HEPHL1: variants seen among roughly 807,000 people sequenced by gnomAD.
HEPHL1 encodes the protein hephaestin like 1, also known as ferroxidase HEPHL1.
HEPHL1 carries 123 observed loss-of-function variants against 122.0 expected under a neutral mutation model. That is an observed-to-expected ratio of 1.01 (90% CI 0.87 to 1.17). The LOEUF is 1.17. Among genes scored for constraint, HEPHL1 ranks in the 50% most tolerant of loss-of-function variants. The probability of loss-of-function intolerance (pLI) is 0.00; values close to 1 mark genes in which losing one functional copy is unlikely to be tolerated. For synonymous variants in HEPHL1, 527 were observed against 508.9 expected, an observed-to-expected ratio of 1.04 and a Z score of -0.48; for missense variants, 1,452 against 1,430.5, an observed-to-expected ratio of 1.01 and a Z score of -0.24.
intron 2 of HEPHL1, among the ~76,000 whole-genome samples, chr11:94,056,275 A>T (rs540603932): frequency 1.1e-4 from 16 of 152,166 alleles, no homozygotes; most frequent in Non-Finnish European, 2.1e-4. Context: ...AGCATATAAT[A>T]GAATTTTGCT....
intron 13 of HEPHL1, among the ~76,000 whole-genome samples, chr11:94,096,813 T>G (rs1946320112): frequency 6.6e-6 from 1 of 152,210 alleles, no homozygotes; most frequent in Non-Finnish European, 1.5e-5. Context: ...CATAGAGGTG[T>G]TTATAGTATT....
intron 5 of HEPHL1, among the ~76,000 whole-genome samples, chr11:94,068,387 T>C (rs1057358099): frequency 6.6e-6 from 1 of 152,216 alleles, no homozygotes; most frequent in African/African-American, 2.4e-5. Context: ...TATTGGAATG[T>C]TCTTCCTCAA....
At chr11:94,087,555 T>C (rs1946228289) in intron 11 of HEPHL1, among the ~76,000 whole-genome samples, 1 of 152,194 alleles carries the variant, frequency 6.6e-6, no homozygotes, top group Admixed American at 6.5e-5. Context: ...GTTCTTCTAT[T>C]ATTATTATCA....
chr11:94,097,614 G>A (rs183014967), intron 13 of HEPHL1, among the ~76,000 whole-genome samples: 2 of 152,154 alleles, frequency 1.3e-5, no homozygotes, highest in African/African-American at 4.8e-5. Flanking sequence ...GTTGACAGTG[G>A]GGTGTTAAAG....
chr11:94,100,282 A>G (rs949923952), intron 13 of HEPHL1, among the ~76,000 whole-genome samples: 1 of 152,234 alleles, frequency 6.6e-6, no homozygotes, highest in African/African-American at 2.4e-5. Flanking sequence ...CAAGGAATTG[A>G]TATGTGTGGC....
chr11:94,097,524 C>T (rs926472099), intron 13 of HEPHL1, among the ~76,000 whole-genome samples: 5 of 152,166 alleles, frequency 3.3e-5, no homozygotes, highest in African/African-American at 1.2e-4. Context: ...CTGTAGGTGT[C>T]TATCAGCTCT....
At chr11:94,025,280 C>T (rs1945614985) in intron 1 of HEPHL1, among the ~76,000 whole-genome samples, 1 of 152,120 alleles carries the variant, frequency 6.6e-6, no homozygotes, top group African/African-American at 2.4e-5. Flanking sequence ...TATACTTCTC[C>T]TCCTCCTTGG....
intron 6 of HEPHL1, among the ~76,000 whole-genome samples, chr11:94,072,180 CT>C: frequency 6.6e-6 from 1 of 152,160 alleles, no homozygotes; most frequent in South Asian, 2.1e-4. Context: ...TTATGGCTTA[CT>C]TTTGCACCAA....
chr11:94,067,800 A>C (rs1565353527), intron 5 of HEPHL1, 50 bp downstream of exon 5: 1 of 1,573,872 alleles, frequency 6.4e-7, no homozygotes, highest in Non-Finnish European at 8.7e-7. Flanking sequence ...GTACAATCAA[A>C]CCACACAGTC....
chr11:94,049,904 G>A (rs1984373), intron 2 of HEPHL1, among the ~76,000 whole-genome samples: 76,284 of 151,890 alleles, frequency 0.5, 19,961 homozygotes, highest in South Asian at 0.59. Flanking sequence ...GTCGCTTTGC[G>A]TTAATTTGGT....
At chr11:94,111,293 G>A (rs886088683) in intron 18 of HEPHL1, among the ~76,000 whole-genome samples, 12 of 152,168 alleles carry the variant, frequency 7.9e-5, no homozygotes, top group Admixed American at 6.5e-5. Context: ...ACAGTTGGAG[G>A]ATATGAGCCA....
chr11:94,108,693 A>G (rs1946426816), intron 17 of HEPHL1, among the ~76,000 whole-genome samples: 1 of 152,000 alleles, frequency 6.6e-6, no homozygotes, highest in Non-Finnish European at 1.5e-5. Context: ...CTTTTGTGAA[A>G]ATCATATTGA....
At position 94,072,985 on chromosome 11, in the gene HEPHL1, G is replaced by T. The variant is rs1049432215; in HGVS notation, c.1233-40G>T. ...TATAATTAAAGTATTTGGTGGATAT[G>T]TTGAGAAGTGTCCTCAATCACATTC... On this transcript the variant is annotated intron_variant, in intron 6 of 19. Transcript: ENST00000315765. 20 of 1,586,218 alleles carry T rather than the reference G, an allele frequency of 1.3e-5. 1 individual carries two copies. Among genetic ancestry groups the T allele is most frequent in the Non-Finnish European group, 1.7e-5 (20 of 1,158,246 alleles).
chr11:94,039,871 CA>C (rs1945760461), intron 1 of HEPHL1, among the ~76,000 whole-genome samples: 2 of 101,814 alleles, frequency 2.0e-5, no homozygotes, highest in Admixed American at 1.9e-4. Context: ...TAACTAAAAT[CA>C]GAGCAGAACT....
chr11:94,044,965 G>T (rs1361869693), intron 1 of HEPHL1, among the ~76,000 whole-genome samples: 1 of 151,978 alleles, frequency 6.6e-6, no homozygotes, highest in Admixed American at 6.6e-5. Flanking sequence ...ACCCAGGCTG[G>T]CATGATCATG....
chr11:94,022,426 T>C (rs1945589694), intron 1 of HEPHL1, among the ~76,000 whole-genome samples: 1 of 152,218 alleles, frequency 6.6e-6, no homozygotes, highest in Non-Finnish European at 1.5e-5. Flanking sequence ...TGCATCCATG[T>C]TCCATTTCCT....
At chr11:94,061,959 A>C (rs1256608090) in intron 2 of HEPHL1, among the ~76,000 whole-genome samples, 1 of 152,146 alleles carries the variant, frequency 6.6e-6, no homozygotes, top group African/African-American at 2.4e-5. Context: ...ATATTGACCT[A>C]ATATATATTA....
chr11:94,036,700 G>A (rs150934734), intron 1 of HEPHL1, among the ~76,000 whole-genome samples: 1,846 of 152,130 alleles, frequency 0.012, 57 homozygotes, highest in Admixed American at 0.053. Context: ...TTAGCCCGGC[G>A]TGGTGGCAGG....
intron 9 of HEPHL1, among the ~76,000 whole-genome samples, chr11:94,079,289 AAGAATAGCATTAGAACCT>A (rs943186623): frequency 4.6e-5 from 7 of 152,220 alleles, no homozygotes; most frequent in African/African-American, 1.7e-4. Context: ...GGGTGAACAG[AAGAATAGCATTAGAACCT>A]AGGTTTTTCT....
Sources: allele counts gnomAD v4.1 joint callset (sites outside exome capture counted in the v4.1 genomes callset), GRCh38; gene constraint gnomAD v4.1.1; transcripts MANE v1.5; gene names NCBI Gene and HGNC (gene_info 2026-07-23, HGNC 2026-07-21).